DNASE1L1: variants seen among roughly 807,000 people sequenced by gnomAD.
DNASE1L1 encodes deoxyribonuclease 1 like 1.
Under a neutral mutation model 18.6 loss-of-function variants are expected in DNASE1L1, and 8 were observed. The ratio of observed to expected loss-of-function variants is 0.43; its 90% CI spans 0.25 to 0.78. The LOEUF (loss-of-function observed/expected upper bound fraction) is 0.78. Among genes scored for constraint, DNASE1L1 ranks in the 30% least tolerant of loss-of-function variants. DNASE1L1 has a pLI of 0.23. For missense variants in DNASE1L1, 214 were observed against 258.2 expected (o/e 0.83, Z 1.17); for synonymous variants, 114 against 114.2 (o/e 1.00, Z 0.01).
At chrX:154,408,225 G>A (rs112490281) in intron 1 of DNASE1L1, among the ~76,000 whole-genome samples, 1,126 of 111,474 alleles carry the variant, frequency 0.01, 6 homozygotes, top group Middle Eastern at 0.042. Context: ...GAGCCACCGC[G>A]CCCGGCTACC....
rs1557187439 is a variant in DNASE1L1, at chrX:154,403,241, C to T, written c.525+28G>A. 2.5e-6 allele frequency: 3 copies of T among 1,206,330 alleles called. No homozygotes were observed. The African/African-American group carries it at 5.2e-5, about 21-fold the overall frequency. ...GGCCGCTGGGCCACCCTATCCTTGT[C>T]CCTCCTGTACAAACTGCCCAGGCCT... On this transcript the variant is annotated intron_variant, in intron 6 of 7. Transcript: ENST00000369807.
intron 5 of DNASE1L1, 58 bp downstream of exon 5, chrX:154,403,464 G>A (rs2068086961): frequency 8.4e-7 from 1 of 1,191,290 alleles, no homozygotes; most frequent in African/African-American, 1.8e-5. Context: ...GCCCCCAGTG[G>A]AGCCAGCCAG....
At chrX:154,411,786 G>A, upstream of DNASE1L1, 1 of 1,076,110 alleles carries the variant, frequency 9.3e-7, no homozygotes. Flanking sequence ...CGCAGACCTA[G>A]AGGCGCCCCA....
At chrX:154,407,587 CTTT>C (rs782217648) in intron 1 of DNASE1L1, among the ~76,000 whole-genome samples, 2 of 74,763 alleles carry the variant, frequency 2.7e-5, no homozygotes, top group Non-Finnish European at 4.9e-5. Context: ...CCTAGTCTAC[CTTT>C]TTTTTTTTTT....
rs781851548 is a variant in DNASE1L1 at position 154,405,446 on chromosome X, G to T, written c.123C>A (p.Asp41Glu). ...GTGATGAACTTACCCGAACTAAGGTGTCCATCACCTGCTCCCTGGCCACCT... is the reference window on the plus strand; with the variant it reads ...GTGATGAACTTACCCGAACTAAGGTTTCCATCACCTGCTCCCTGGCCACCT... ...LAKVAREQVM[D>E]TLVRILARCD... The change falls in exon 2 of 8, where the codon GAC (aspartate) becomes GAA (glutamate). Residue 41 changes from aspartate to glutamate, a missense_variant. Asp to Glu is a conservative substitution (Grantham distance 45). Coordinates refer to ENST00000369807, the MANE Select transcript of DNASE1L1 (RefSeq NM_001303620.2). 13 of 1,192,507 alleles carry T rather than the reference G, an allele frequency of 1.1e-5. No individual in the cohort carries two copies. Among genetic ancestry groups the T allele is most frequent in the Non-Finnish European group, 1.4e-5 (12 of 882,556 alleles).
In DNASE1L1 at chrX:154,403,048, T is replaced by C; in HGVS notation, c.668A>G (p.His223Arg). ...CAGCACGACGCGGTCATAGGTGCAG[T>C]GGGTGCTGGCCCGCACTGTGGTGTC... The part of the protein sequence containing the change: ...GEDTTVRAST[H>R]CTYDRVVLHG... Residue 223 changes from histidine (H) to arginine (R), a missense_variant, in exon 7 of 8, where the codon CAC becomes CGC. His to Arg is a conservative substitution (Grantham distance 29). Coordinates refer to ENST00000369807, the MANE Select transcript of DNASE1L1 (RefSeq NM_001303620.2). 8.3e-7 allele frequency: 1 copy of C among 1,211,811 alleles called. No individual in the cohort carries two copies.
upstream of DNASE1L1, among the ~76,000 whole-genome samples, chrX:154,410,350 C>T (rs1386361109): frequency 1.8e-5 from 2 of 110,491 alleles, no homozygotes; most frequent in African/African-American, 3.3e-5. Flanking sequence ...GCCGGGAGTT[C>T]GAGACCAGCT....
At chrX:154,410,605 C>A (rs952555209), upstream of DNASE1L1, among the ~76,000 whole-genome samples, 11 of 110,624 alleles carry the variant, frequency 9.9e-5, no homozygotes, top group Non-Finnish European at 3.8e-5. Flanking sequence ...TGCGGTGGCC[C>A]ATGCCTGTAA....
upstream of DNASE1L1, among the ~76,000 whole-genome samples, chrX:154,410,884 TAATA>T (rs2068266364): frequency 9.1e-6 from 1 of 110,221 alleles, no homozygotes; most frequent in Non-Finnish European, 1.9e-5. Context: ...AAAAAAATAA[TAATA>T]AATAAATAAA....
In DNASE1L1 at chrX:154,405,580, G is replaced by A. The variant is rs1557188286; in HGVS notation, c.-12C>T. 4 of 1,132,059 alleles carry A rather than the reference G, an allele frequency of 3.5e-6. No homozygotes were observed. Among genetic ancestry groups the A allele is most frequent in the Non-Finnish European group, 4.7e-6 (4 of 849,133 alleles). The allele number at this position is 1,132,059 out of a possible 1,213,427, so 93.3% of individuals were successfully genotyped here. Reference sequence around the variant, plus strand: ...GTTGGGTAGTGCATGGCTGTGTGTGGCTGCCGGGGACACCCCAGGAATCCA... The same window carrying A: ...GTTGGGTAGTGCATGGCTGTGTGTGACTGCCGGGGACACCCCAGGAATCCA... On this transcript the variant is annotated 5_prime_UTR_variant, in exon 2 of 8. Transcript: ENST00000369807.
rs2068050981 is a variant in DNASE1L1 at position 154,402,001 on chromosome X, G to C, written c.*706C>G. On this transcript the variant is annotated 3_prime_UTR_variant, in exon 8 of 8. Coordinates refer to ENST00000369807, the MANE Select transcript of DNASE1L1 (RefSeq NM_001303620.2). ...TGCAGCCCCTTTCCGGGACACCTGGGTTCACACAGCTTTTTAGCTTACATA... is the reference window on the plus strand; with the variant it reads ...TGCAGCCCCTTTCCGGGACACCTGGCTTCACACAGCTTTTTAGCTTACATA... 8.9e-6 allele frequency: 1 copy of C among 111,837 alleles called. No homozygotes were observed. Among genetic ancestry groups the C allele is most frequent in the South Asian group, 3.7e-4 (1 of 2,695 alleles). 9.2% of individuals were successfully genotyped at this position (111,837 alleles called of 1,213,427 possible).
chrX:154,408,214 T>C (rs782079262), intron 1 of DNASE1L1, among the ~76,000 whole-genome samples: 2 of 111,527 alleles, frequency 1.8e-5, no homozygotes, highest in Non-Finnish European at 3.8e-5. Flanking sequence ...ATTACAGGTG[T>C]GAGCCACCGC....
upstream of DNASE1L1, chrX:154,411,705 C>T (rs782676305): frequency 8.7e-6 from 5 of 573,824 alleles, no homozygotes; most frequent in Non-Finnish European, 1.1e-5. Flanking sequence ...CGGTCCAGTC[C>T]CCTGTTGCGC....
rs1289925674 is a variant in DNASE1L1 at position 154,402,689 on chromosome X, GGGGGGGTA to G, written c.*10_*17del. 1.0e-5 allele frequency: 12 copies of G among 1,193,342 alleles called. No individual in the cohort carries two copies. The highest frequency in any genetic ancestry group is 1.4e-5 in the Non-Finnish European group (12 of 885,206). Reference sequence around the variant, plus strand: ...TAAGTCCCAAAAGGCAGCAGGCCCTGGGGGGGTAGGGGGACGCTCAGGCAGCAGGGCAC... The same window carrying G: ...TAAGTCCCAAAAGGCAGCAGGCCCTGGGGGGACGCTCAGGCAGCAGGGCAC... On this transcript the variant is annotated 3_prime_UTR_variant, in exon 8 of 8. Transcript: ENST00000369807.
intron 1 of DNASE1L1, among the ~76,000 whole-genome samples, chrX:154,406,331 C>G (rs1004664672): frequency 6.6e-5 from 7 of 106,741 alleles, no homozygotes; most frequent in Admixed American, 4.0e-4. Flanking sequence ...CTGGGTAGAC[C>G]ACATTTTGTT....
rs146923904 is a variant in DNASE1L1, at chrX:154,402,355, T to C, written c.*352A>G. 5,484 of 195,373 alleles carry C rather than the reference T, an allele frequency of 0.028. 84 individuals are homozygous for C. Among genetic ancestry groups the C allele is most frequent in the Non-Finnish European group, 0.041 (4,343 of 106,684 alleles). The allele number at this position is 195,373 out of a possible 1,213,427, so 16.1% of individuals were successfully genotyped here. On this transcript the variant is annotated 3_prime_UTR_variant, in exon 8 of 8. Transcript: ENST00000369807. The stretch of plus-strand genomic sequence containing the variant: ...GCATATCTGCTGCACAAGTGTCCTA[T>C]CTCACCAATCTGGGTTTTTGTTCTC...
intron 6 of DNASE1L1, 24 bp downstream of exon 6, chrX:154,403,245 C>G (rs376481668): frequency 2.5e-6 from 3 of 1,209,551 alleles, no homozygotes; most frequent in Non-Finnish European, 2.2e-6. Context: ...CCTTGTCCCT[C>G]CTGTACAAAC....
rs1364022829 is a variant in DNASE1L1 at position 154,403,320 on chromosome X, C to G, written c.474G>C (p.Leu158=). 1.7e-6 allele frequency: 2 copies of G among 1,211,707 alleles called. No individual in the cohort carries two copies. The highest frequency in any genetic ancestry group is 1.8e-5 in the South Asian group (1 of 57,019). ...CCAGAAACACATCGTAGAGGGCGTT[C>G]AGCTCCTTCTCTACGGCCTTAGGAG... The part of the protein sequence containing the change: ...HTTPKAVEKE[L]NALYDVFLEV... Residue 158 remains leucine, a synonymous_variant, in exon 6 of 8, where the codon CTG becomes CTC. Coordinates refer to ENST00000369807, the MANE Select transcript of DNASE1L1 (RefSeq NM_001303620.2).
chrX:154,411,009 T>C (rs970380551), upstream of DNASE1L1, among the ~76,000 whole-genome samples: 7 of 112,856 alleles, frequency 6.2e-5, no homozygotes, highest in Non-Finnish European at 1.1e-4. Context: ...CTGTATCAGA[T>C]GGTATAAAAT....
Sources: allele counts gnomAD v4.1 joint callset (sites outside exome capture counted in the v4.1 genomes callset), GRCh38; gene constraint gnomAD v4.1.1; transcripts MANE v1.5; gene names NCBI Gene and HGNC (gene_info 2026-07-23, HGNC 2026-07-21).